Variants in RANBP17 observed in about 807,000 individuals in gnomAD.
The protein encoded by RANBP17 is ran-binding protein 17.
RANBP17 carries 158 observed loss-of-function variants against 141.2 expected under a neutral mutation model. The observed-to-expected ratio is 1.12, with a 90% CI of 0.98 to 1.28. The LOEUF is 1.28. Among genes scored for constraint, RANBP17 ranks in the 50% most tolerant of loss-of-function variants. The pLI is 0.00. For missense variants in RANBP17, 1,438 were observed against 1,290.7 expected (o/e 1.11, Z -1.75); for synonymous variants, 430 against 450.0 (o/e 0.96, Z 0.56).
intron 6 of RANBP17, chr5:170,910,723 T>C: frequency 2.4e-6 from 1 of 422,054 alleles, no homozygotes; most frequent in South Asian, 3.1e-5. Flanking sequence ...CTCCAGAAGC[T>C]TTGTGAGTGT....
intron 5 of RANBP17, among the ~76,000 whole-genome samples, chr5:170,905,367 T>C (rs1014458455): frequency 1.3e-5 from 2 of 152,144 alleles, no homozygotes; most frequent in African/African-American, 4.8e-5. Context: ...TGCACACATA[T>C]AGATGTATAT....
At chr5:171,080,244 A>AAC (rs5873252) in intron 14 of RANBP17, among the ~76,000 whole-genome samples, 4,333 of 147,838 alleles carry the variant, frequency 0.029, 114 homozygotes, top group African/African-American at 0.075. Flanking sequence ...ACACACACAA[A>AAC]ACACACACAC....
intron 18 of RANBP17, among the ~76,000 whole-genome samples, chr5:171,189,824 G>A (rs1477312689): frequency 2.0e-5 from 3 of 152,138 alleles, no homozygotes; most frequent in African/African-American, 4.8e-5. Context: ...ATGGCTGTCA[G>A]AATTTCTGTA....
At chr5:171,039,306 G>T (rs1782097411) in intron 14 of RANBP17, among the ~76,000 whole-genome samples, 2 of 131,408 alleles carry the variant, frequency 1.5e-5, no homozygotes. Context: ...ACATGGTTTT[G>T]ATTTGCTTCT....
intron 14 of RANBP17, among the ~76,000 whole-genome samples, chr5:171,014,138 C>A (rs534196302): frequency 2.0e-5 from 3 of 152,056 alleles, no homozygotes; most frequent in African/African-American, 7.2e-5. Context: ...ATTAATATAG[C>A]AACTTCTATT....
At chr5:171,088,998 G>A (rs1785950106) in intron 14 of RANBP17, among the ~76,000 whole-genome samples, 2 of 151,828 alleles carry the variant, frequency 1.3e-5, no homozygotes. Context: ...TTGTTCCGTT[G>A]CTGGTGAGGA....
chr5:171,158,757 C>G (rs1759083527), intron 14 of RANBP17, among the ~76,000 whole-genome samples: 1 of 152,044 alleles, frequency 6.6e-6, no homozygotes, highest in Non-Finnish European at 1.5e-5. Context: ...CTTGTTGGTG[C>G]CAGTTCTCAC....
At chr5:170,983,091 C>A in intron 14 of RANBP17, 1 of 513,844 alleles carries the variant, frequency 1.9e-6, no homozygotes, top group Non-Finnish European at 3.8e-6. Context: ...GTATACTACT[C>A]AATTAAAAAA....
At chr5:171,248,982 T>C (rs1765390017) in intron 24 of RANBP17, among the ~76,000 whole-genome samples, 1 of 152,162 alleles carries the variant, frequency 6.6e-6, no homozygotes, top group Non-Finnish European at 1.5e-5. Flanking sequence ...TGCCCATAAC[T>C]GCCAACACAA....
At chr5:171,230,633 GCAC>G (rs1380966030) in intron 22 of RANBP17, among the ~76,000 whole-genome samples, 1 of 151,992 alleles carries the variant, frequency 6.6e-6, no homozygotes, top group Non-Finnish European at 1.5e-5. Flanking sequence ...GTGGTGGCGG[GCAC>G]CTGTAATCCC....
intron 12 of RANBP17, among the ~76,000 whole-genome samples, chr5:170,934,652 T>A (rs1773704679): frequency 6.6e-6 from 1 of 152,206 alleles, no homozygotes; most frequent in Non-Finnish European, 1.5e-5. Context: ...TTCTGGCTTG[T>A]AGAGTTTCTG....
intron 14 of RANBP17, among the ~76,000 whole-genome samples, chr5:171,066,149 A>G (rs1283231270): frequency 6.6e-6 from 1 of 152,110 alleles, no homozygotes; most frequent in Non-Finnish European, 1.5e-5. Flanking sequence ...GTCATGAGCA[A>G]CTGCACCCGG....
chr5:171,225,666 C>G (rs1763838420), intron 22 of RANBP17, among the ~76,000 whole-genome samples: 1 of 152,166 alleles, frequency 6.6e-6, no homozygotes, highest in Admixed American at 6.5e-5. Flanking sequence ...TGTTTCCATC[C>G]TCACTGGGTT....
At chr5:170,876,350 A>G (rs1436700190) in intron 1 of RANBP17, among the ~76,000 whole-genome samples, 1 of 151,322 alleles carries the variant, frequency 6.6e-6, no homozygotes, top group East Asian at 1.9e-4. Flanking sequence ...GGAGCCTCCG[A>G]TCGCCACTGC....
At chr5:171,033,841 C>T (rs1342987835) in intron 14 of RANBP17, among the ~76,000 whole-genome samples, 1 of 152,128 alleles carries the variant, frequency 6.6e-6, no homozygotes, top group Admixed American at 6.6e-5. Context: ...GTTCTCAGTG[C>T]AGAGTGGTTT....
chr5:171,203,701 G>T (rs1762425356), intron 19 of RANBP17, among the ~76,000 whole-genome samples: 1 of 152,150 alleles, frequency 6.6e-6, no homozygotes, highest in South Asian at 2.1e-4. Context: ...TAATATTTTT[G>T]TATAACGAGG....
At chr5:171,066,245 A>G (rs1456685005) in intron 14 of RANBP17, among the ~76,000 whole-genome samples, 3 of 152,144 alleles carry the variant, frequency 2.0e-5, no homozygotes, top group Non-Finnish European at 4.4e-5. Context: ...TAGTTACCAT[A>G]TTGTACAATA....
chr5:171,016,273 G>C (rs1780427600), intron 14 of RANBP17, among the ~76,000 whole-genome samples: 3 of 151,442 alleles, frequency 2.0e-5, no homozygotes, highest in Non-Finnish European at 4.4e-5. Context: ...AGGCAAGAGG[G>C]TCAATACTCC....
chr5:171,159,772 A>C (rs947749106), intron 14 of RANBP17, among the ~76,000 whole-genome samples: 4 of 151,444 alleles, frequency 2.6e-5, no homozygotes, highest in African/African-American at 9.7e-5. Context: ...AAATACAAAA[A>C]CTTAGCTGGG....
Sources: gnomAD v4.1 joint callset for allele counts (sites outside exome capture counted in the v4.1 genomes callset) on GRCh38, gnomAD v4.1.1 for gene constraint, MANE v1.5 for transcripts, NCBI Gene and HGNC (gene_info 2026-07-23, HGNC 2026-07-21) for gene names.